Variants in POU6F2 observed in about 807,000 individuals in gnomAD.
The protein encoded by POU6F2 is POU domain, class 6, transcription factor 2.
A neutral mutation model predicts 71.3 loss-of-function variants in POU6F2; 31 were observed. The ratio of observed to expected loss-of-function variants is 0.43; its 90% CI spans 0.33 to 0.59. POU6F2 has a LOEUF of 0.59. Among genes scored for constraint, POU6F2 ranks in the 20% least tolerant of loss-of-function variants. The pLI is 0.04. For synonymous variants in POU6F2, 347 were observed against 355.7 expected, an observed-to-expected ratio of 0.98 and a Z score of 0.27; for missense variants, 783 against 856.8, an observed-to-expected ratio of 0.91 and a Z score of 1.07.
chr7:39,426,582 CTCT>C (rs922615692), intron 6 of POU6F2, among the ~76,000 whole-genome samples: 7 of 152,202 alleles, frequency 4.6e-5, no homozygotes, highest in Middle Eastern at 3.4e-3. Context: ...CTCTTCCTCC[CTCT>C]TCTTCTTCTC....
chr7:39,009,152 T>G (rs1789183600), intron 1 of POU6F2, among the ~76,000 whole-genome samples: 1 of 151,556 alleles, frequency 6.6e-6, no homozygotes, highest in African/African-American at 2.4e-5. Context: ...TTCCTACCCA[T>G]GAGCATGGAA....
chr7:39,406,508 G>T, intron 5 of POU6F2, 92 bp from the exon 6 acceptor site: 1 of 1,471,498 alleles, frequency 6.8e-7, no homozygotes, highest in South Asian at 1.3e-5. Flanking sequence ...GCGAATTGAG[G>T]CGAGAACTAC....
intron 4 of POU6F2, among the ~76,000 whole-genome samples, chr7:39,331,925 A>C (rs1785661851): frequency 6.6e-6 from 1 of 152,096 alleles, no homozygotes; most frequent in Admixed American, 6.5e-5. Flanking sequence ...TTTGTTTCTT[A>C]TGCTGTTTGT....
intron 1 of POU6F2, among the ~76,000 whole-genome samples, chr7:39,008,840 C>T (rs1379498473): frequency 3.5e-4 from 53 of 149,590 alleles, no homozygotes; most frequent in African/African-American, 1.1e-3. Flanking sequence ...TGTAGATATG[C>T]GGCGTTATTT....
intron 1 of POU6F2, among the ~76,000 whole-genome samples, chr7:39,033,003 T>C (rs1262361602): frequency 6.6e-6 from 1 of 152,206 alleles, no homozygotes; most frequent in Non-Finnish European, 1.5e-5. Flanking sequence ...GTTACTCCCG[T>C]TCAGTGTCAT....
chr7:39,089,796 A>C (rs62442206), intron 2 of POU6F2, among the ~76,000 whole-genome samples: 17,215 of 152,276 alleles, frequency 0.11, 1,042 homozygotes, highest in Middle Eastern at 0.15. Context: ...CTCATAAAAC[A>C]TGCCCTAAAT....
chr7:39,363,327 T>C (rs1786430128), intron 5 of POU6F2, among the ~76,000 whole-genome samples: 2 of 152,100 alleles, frequency 1.3e-5, no homozygotes, highest in South Asian at 4.1e-4. Context: ...AGTTCCCCAT[T>C]GATCGAGGTA....
chr7:39,146,804 A>G (rs1584567181), intron 2 of POU6F2, among the ~76,000 whole-genome samples: 1 of 152,194 alleles, frequency 6.6e-6, no homozygotes, highest in Non-Finnish European at 1.5e-5. Flanking sequence ...AGGTCACACT[A>G]CATATTCAGC....
intron 2 of POU6F2, among the ~76,000 whole-genome samples, chr7:39,165,347 C>T (rs917525774): frequency 1.2e-4 from 19 of 152,152 alleles, no homozygotes; most frequent in African/African-American, 4.1e-4. Flanking sequence ...AAATTTGAAA[C>T]GTTGAAACTA....
intron 1 of POU6F2, among the ~76,000 whole-genome samples, chr7:39,050,753 A>G (rs186606975): frequency 1.2e-3 from 179 of 152,230 alleles, no homozygotes; most frequent in African/African-American, 4.3e-3. Flanking sequence ...GTGCCCTACC[A>G]TCTAAGAATT....
intron 4 of POU6F2, among the ~76,000 whole-genome samples, chr7:39,275,019 C>G (rs778397663): frequency 0.052 from 7,801 of 150,682 alleles, 280 homozygotes; most frequent in Non-Finnish European, 0.078. Flanking sequence ...CTCACCACTC[C>G]TATTCAACAT....
intron 2 of POU6F2, among the ~76,000 whole-genome samples, chr7:39,180,097 G>C (rs2128741155): frequency 6.6e-6 from 1 of 152,262 alleles, no homozygotes; most frequent in South Asian, 2.1e-4. Context: ...TCTGAGCTGA[G>C]GTTTGAAGGA....
intron 1 of POU6F2, chr7:39,006,846 G>A (rs1399806853): frequency 1.2e-6 from 2 of 1,613,590 alleles, no homozygotes; most frequent in East Asian, 4.5e-5. Context: ...AGAGGAAGTG[G>A]CAAATGAGTG....
rs768295622 is a variant in POU6F2, at chr7:39,339,877, G to T, written c.834G>T (p.Gln278His). The part of the protein sequence containing the change: ...TSQLQQAPQP[Q>H]QHQPHSHSQN... ...AGCTGCAACAGGCGCCTCAGCCCCA[G>T]CAGCACCAACCCCACTCCCACTCCC... Residue 278 changes from glutamine (Q) to histidine (H), a missense_variant, in exon 5 of 10, where the codon CAG becomes CAT. Gln to His is a conservative substitution (Grantham distance 24). Transcript: ENST00000518318. 2 of 1,612,970 alleles carry T rather than the reference G, an allele frequency of 1.2e-6. No homozygotes were observed. The highest frequency in any genetic ancestry group is 2.2e-5 in the South Asian group (2 of 90,958).
intron 2 of POU6F2, among the ~76,000 whole-genome samples, chr7:39,145,375 A>G (rs1792598401): frequency 6.6e-6 from 1 of 152,240 alleles, no homozygotes; most frequent in South Asian, 2.1e-4. Context: ...ACCAGATCAC[A>G]CAGTTTCGAC....
intron 4 of POU6F2, among the ~76,000 whole-genome samples, chr7:39,217,161 C>A (rs1260474249): frequency 6.6e-6 from 1 of 152,132 alleles, no homozygotes; most frequent in African/African-American, 2.4e-5. Context: ...TTCTAACCAC[C>A]TTCTTTAAAA....
intron 4 of POU6F2, among the ~76,000 whole-genome samples, chr7:39,299,538 C>T (rs962690347): frequency 6.6e-6 from 1 of 152,314 alleles, no homozygotes; most frequent in African/African-American, 2.4e-5. Context: ...AAAAAATCCT[C>T]CCTGCCCAGC....
chr7:39,077,945 C>T (rs1282204896), intron 1 of POU6F2, among the ~76,000 whole-genome samples: 1 of 152,186 alleles, frequency 6.6e-6, no homozygotes, highest in Admixed American at 6.5e-5. Context: ...GGGGTCATCA[C>T]CCGGTGCAGT....
At chr7:39,051,807 C>G (rs1458602653) in intron 1 of POU6F2, among the ~76,000 whole-genome samples, 1 of 152,068 alleles carries the variant, frequency 6.6e-6, no homozygotes, top group Admixed American at 6.6e-5. Flanking sequence ...GTGTTTGACT[C>G]TAGATCCTTA....
Sources: allele counts gnomAD v4.1 joint callset (sites outside exome capture counted in the v4.1 genomes callset), GRCh38; gene constraint gnomAD v4.1.1; transcripts MANE v1.5; gene names NCBI Gene and HGNC (gene_info 2026-07-23, HGNC 2026-07-21).